The following EVC2 variants were observed in gnomAD, a reference collection of about 807,000 sequenced individuals.
EVC2 encodes limbin.
EVC2 carries 148 observed loss-of-function variants against 149.3 expected under a neutral mutation model. The ratio of observed to expected loss-of-function variants is 0.99; its 90% CI spans 0.87 to 1.14. EVC2 has a LOEUF of 1.14. Ranked by LOEUF, EVC2 falls within the 50% of genes most tolerant of loss-of-function variation. EVC2 has a pLI of 0.00. For synonymous variants in EVC2, 776 were observed against 649.9 expected (o/e 1.19, Z -2.95); for missense variants, 1,854 against 1,627.3 (o/e 1.14, Z -2.40).
chr4:5,564,087 C>T (rs1722119933), intron 21 of EVC2, among the ~76,000 whole-genome samples: 1 of 152,164 alleles, frequency 6.6e-6, no homozygotes, highest in Non-Finnish European at 1.5e-5. Flanking sequence ...GCACCTGCTG[C>T]ATGTCAACGG....
At chr4:5,597,250 C>T (rs1028228570) in intron 16 of EVC2, among the ~76,000 whole-genome samples, 4 of 152,122 alleles carry the variant, frequency 2.6e-5, no homozygotes, top group South Asian at 2.1e-4. Context: ...CAAAGCCGGG[C>T]AGAGACACAA....
intron 9 of EVC2, among the ~76,000 whole-genome samples, chr4:5,641,878 C>G (rs1008584645): frequency 6.6e-6 from 1 of 152,058 alleles, no homozygotes; most frequent in Non-Finnish European, 1.5e-5. Context: ...CCTATCAACC[C>G]GATATCTAGG....
intron 9 of EVC2, among the ~76,000 whole-genome samples, chr4:5,650,159 G>A (rs983152235): frequency 1.3e-5 from 2 of 152,122 alleles, no homozygotes; most frequent in Non-Finnish European, 2.9e-5. Context: ...CTTAAAGGGG[G>A]CAAAGATGCA....
At position 5,677,417 on chromosome 4, in the gene EVC2, A is replaced by G. The variant is rs1329513063; in HGVS notation, c.870+3843T>C. ...AGGGAGCTCCCTGAATGTGGTCCAC[A>G]GCCTGGGGGCGCCTGTCCTGGGGGC... On this transcript the variant is annotated intron_variant, in intron 7 of 21. Transcript: ENST00000344408. This position sits in a 1 kb window ranked among gnomAD's most constrained non-coding sequence, Gnocchi z 4.3. Among the ~76,000 whole-genome samples, 1 of 152,160 alleles carries G rather than the reference A, an allele frequency of 6.6e-6. No individual in the cohort carries two copies. Among genetic ancestry groups the G allele is most frequent in the Admixed American group, 6.5e-5 (1 of 15,276 alleles).
At chr4:5,656,423 C>T (rs147935990) in intron 9 of EVC2, among the ~76,000 whole-genome samples, 1 of 152,266 alleles carries the variant, frequency 6.6e-6, no homozygotes, top group East Asian at 1.9e-4. Flanking sequence ...ATTTCCAGCC[C>T]TAATTCCTGG....
intron 21 of EVC2, among the ~76,000 whole-genome samples, chr4:5,550,148 G>A (rs967941946): frequency 7.9e-5 from 12 of 152,148 alleles, no homozygotes; most frequent in Non-Finnish European, 1.0e-4. Context: ...TACTGGGAGT[G>A]GGGTGCTGCT....
At chr4:5,665,327 A>C (rs1372358302) in intron 8 of EVC2, among the ~76,000 whole-genome samples, 188 bp downstream of exon 8, 1 of 152,092 alleles carries the variant, frequency 6.6e-6, no homozygotes, top group African/African-American at 2.4e-5. Flanking sequence ...CTCTTAAGAA[A>C]AAAAAAGAAT....
the EVC2 span, among the ~76,000 whole-genome samples, chr4:5,535,816 C>T: frequency 6.6e-6 from 1 of 152,164 alleles, no homozygotes; most frequent in African/African-American, 2.4e-5. The surrounding 1 kb of genome is among the most constrained non-coding windows in gnomAD (Gnocchi z 4.7). Context: ...TCATTCAGTC[C>T]AGAGCAGAAA....
intron 20 of EVC2, 82 bp downstream of exon 20, chr4:5,568,362 G>T: frequency 7.4e-7 from 1 of 1,350,380 alleles, no homozygotes; most frequent in Non-Finnish European, 1.0e-6. Context: ...AAAATACATG[G>T]GCCTCCCATG....
intron 16 of EVC2, among the ~76,000 whole-genome samples, chr4:5,585,621 T>C (rs1712212987): frequency 6.6e-6 from 1 of 152,194 alleles, no homozygotes; most frequent in Non-Finnish European, 1.5e-5. Context: ...AACTTCTTTA[T>C]AATAACCTGC....
At chr4:5,667,391 T>C (rs1560210082) in intron 7 of EVC2, among the ~76,000 whole-genome samples, 1 of 151,958 alleles carries the variant, frequency 6.6e-6, no homozygotes, top group Admixed American at 6.6e-5. Context: ...ATGATGATTA[T>C]AAAAAAAGTA....
chr4:5,665,380 G>C, intron 8 of EVC2, 135 bp downstream of exon 8: 1 of 1,326,452 alleles, frequency 7.5e-7, no homozygotes, highest in Non-Finnish European at 1.1e-6. Flanking sequence ...TTGGAGGTGG[G>C]CCCTGGGCAT....
At chr4:5,610,150 A>G (rs1229060713) in intron 16 of EVC2, among the ~76,000 whole-genome samples, 1 of 152,198 alleles carries the variant, frequency 6.6e-6, no homozygotes, top group Non-Finnish European at 1.5e-5. Flanking sequence ...GAAAGCACTT[A>G]GCTCTCAGTA....
intron 9 of EVC2, among the ~76,000 whole-genome samples, chr4:5,654,377 C>A (rs1455504090): frequency 6.6e-6 from 1 of 152,178 alleles, no homozygotes; most frequent in African/African-American, 2.4e-5. Context: ...GGAGGTCACA[C>A]ATGAATTTCT....
chr4:5,610,824 C>CTTTTTT, intron 16 of EVC2, among the ~76,000 whole-genome samples: 1 of 144,016 alleles, frequency 6.9e-6, no homozygotes, highest in African/African-American at 2.6e-5. Context: ...CAAATGCCTC[C>CTTTTTT]TGTGGAACTT....
At chr4:5,650,608 T>C (rs1312002663) in intron 9 of EVC2, among the ~76,000 whole-genome samples, 1 of 27,538 alleles carries the variant, frequency 3.6e-5, no homozygotes. Context: ...AATCGCCATA[T>C]ATATATATAT....
At chr4:5,695,019 C>T (rs758729481) in intron 2 of EVC2, among the ~76,000 whole-genome samples, 1 of 152,094 alleles carries the variant, frequency 6.6e-6, no homozygotes. Context: ...GATGTGTGCA[C>T]GGCCAGACAC....
At chr4:5,536,774 ACT>A in the EVC2 span, among the ~76,000 whole-genome samples, 128 of 143,222 alleles carry the variant, frequency 8.9e-4, no homozygotes, top group African/African-American at 3.2e-3. Flanking sequence ...ACAGAGCAAG[ACT>A]CTGTCTCAAA....
rs114388063 is a variant in EVC2 at position 5,573,775 on chromosome 4, G to A, written c.3360+910C>T. On this transcript the variant is annotated intron_variant, in intron 19 of 21. Transcript: ENST00000344408. Reference sequence around the variant, plus strand: ...TGCAGCCAGCTGGACGCCTAAAAGCGCCCTAACCCCTCCTTCCTGCTGACT... The same window carrying A: ...TGCAGCCAGCTGGACGCCTAAAAGCACCCTAACCCCTCCTTCCTGCTGACT... Among the ~76,000 whole-genome samples, 471 of 152,274 alleles carry A rather than the reference G, an allele frequency of 3.1e-3. 2 individuals are homozygous for A. Among genetic ancestry groups the A allele is most frequent in the African/African-American group, 0.011 (442 of 41,558 alleles).
Sources: gnomAD v4.1 joint callset for allele counts (sites outside exome capture counted in the v4.1 genomes callset) on GRCh38, gnomAD v4.1.1 for gene constraint, Gnocchi (gnomAD v3.1) non-coding constraint, MANE v1.5 for transcripts, NCBI Gene and HGNC (gene_info 2026-07-23, HGNC 2026-07-21) for gene names.